SAMD3: variants seen among roughly 807,000 people sequenced by gnomAD.
SAMD3 encodes the protein sterile alpha motif domain-containing protein 3.
A neutral mutation model predicts 58.5 loss-of-function variants in SAMD3; 63 were observed. The ratio of observed to expected loss-of-function variants is 1.08; its 90% CI spans 0.88 to 1.33. The LOEUF (loss-of-function observed/expected upper bound fraction) is 1.33. Ranked by LOEUF, SAMD3 falls within the 40% of genes most tolerant of loss-of-function variation. The pLI is 0.00. For missense variants in SAMD3, 604 were observed against 608.4 expected (o/e 0.99, Z 0.08); for synonymous variants, 220 against 210.3 (o/e 1.05, Z -0.40).
At chr6:130,308,441 T>C (rs991656813) in intron 2 of SAMD3, among the ~76,000 whole-genome samples, 1 of 150,042 alleles carries the variant, frequency 6.7e-6, no homozygotes, top group Non-Finnish European at 1.5e-5. Context: ...TTCTATTCTT[T>C]TGTGTGTGTG....
At chr6:130,263,005 A>C (rs1441210985) in intron 2 of SAMD3, among the ~76,000 whole-genome samples, 1 of 152,210 alleles carries the variant, frequency 6.6e-6, no homozygotes, top group African/African-American at 2.4e-5. Context: ...CCTTATAGTC[A>C]AATATTAAAA....
intron 8 of SAMD3, among the ~76,000 whole-genome samples, chr6:130,157,172 G>A (rs557301818): frequency 2.6e-5 from 4 of 151,462 alleles, no homozygotes; most frequent in East Asian, 1.9e-4. Context: ...ATGTGTAAAC[G>A]TCATATACTG....
chr6:130,162,940 T>C (rs148233073), intron 8 of SAMD3, among the ~76,000 whole-genome samples: 2 of 152,304 alleles, frequency 1.3e-5, no homozygotes, highest in East Asian at 1.9e-4. Flanking sequence ...AATTTAATTG[T>C]CATTTTTATT....
intron 5 of SAMD3, among the ~76,000 whole-genome samples, chr6:130,198,007 C>G (rs1449467778): frequency 6.6e-6 from 1 of 152,118 alleles, no homozygotes; most frequent in African/African-American, 2.4e-5. Flanking sequence ...GGCTCAAAAG[C>G]TCCCCCACTG....
At chr6:130,191,966 T>C (rs1243768503) in intron 5 of SAMD3, among the ~76,000 whole-genome samples, 1 of 152,216 alleles carries the variant, frequency 6.6e-6, no homozygotes, top group Non-Finnish European at 1.5e-5. Context: ...GCTTACTTTG[T>C]TGCCCTCAGT....
At chr6:130,309,375 A>AT (rs1212736262) in intron 2 of SAMD3, among the ~76,000 whole-genome samples, 23 of 152,248 alleles carry the variant, frequency 1.5e-4, no homozygotes, top group African/African-American at 4.3e-4. Context: ...CCCACTTCAC[A>AT]GGGCTTTTGT....
intron 8 of SAMD3, among the ~76,000 whole-genome samples, chr6:130,171,243 A>G (rs1791220717): frequency 6.6e-6 from 1 of 152,156 alleles, no homozygotes; most frequent in African/African-American, 2.4e-5. Flanking sequence ...GATTATGTTT[A>G]TTGATTTGCT....
At chr6:130,271,711 G>A (rs1035596307) in intron 2 of SAMD3, among the ~76,000 whole-genome samples, 2 of 152,074 alleles carry the variant, frequency 1.3e-5, no homozygotes, top group Admixed American at 6.6e-5. Flanking sequence ...AAGACATATC[G>A]AGACTGGGTA....
chr6:130,208,629 G>T (rs556438424), intron 5 of SAMD3, among the ~76,000 whole-genome samples: 2 of 152,294 alleles, frequency 1.3e-5, no homozygotes, highest in African/African-American at 4.8e-5. Flanking sequence ...AATGCCTGAT[G>T]ATCTGTCACT....
At chr6:130,260,144 T>A (rs1014058289) in intron 2 of SAMD3, among the ~76,000 whole-genome samples, 2 of 152,140 alleles carry the variant, frequency 1.3e-5, no homozygotes, top group African/African-American at 4.8e-5. Flanking sequence ...AGACAGACCC[T>A]CTCATATTGT....
At chr6:130,194,822 C>T (rs1049260908) in intron 5 of SAMD3, among the ~76,000 whole-genome samples, 5 of 152,236 alleles carry the variant, frequency 3.3e-5, no homozygotes. Flanking sequence ...AAGACTGACA[C>T]TGCCTGATCA....
intron 2 of SAMD3, 96 bp downstream of exon 2, chr6:130,216,475 T>C (rs1796009830): frequency 6.6e-6 from 1 of 152,224 alleles, no homozygotes; most frequent in South Asian, 2.1e-4. Flanking sequence ...AAGTTTTAAA[T>C]GGAACTATTG....
chr6:130,157,526 C>A (rs1319184146), intron 8 of SAMD3, among the ~76,000 whole-genome samples: 1 of 152,108 alleles, frequency 6.6e-6, no homozygotes, highest in Non-Finnish European at 1.5e-5. Context: ...ACAGGTCTTG[C>A]CATGTTGCCC....
rs1562478028 is a variant in SAMD3 at position 130,244,750 on chromosome 6, AAAAT to A, written c.-187-21941_-187-21938del. The stretch of plus-strand genomic sequence containing the variant: ...ACGAGCCTGTCTCAAAAAAAAAATA[AAAAT>A]AAAAATAAAAATAAAAATAAAAATA... On this transcript the variant is annotated intron_variant, in intron 2 of 13. Coordinates refer to the SAMD3 transcript ENST00000368134. 1.0e-3 allele frequency among the ~76,000 whole-genome samples: 151 copies of A among 145,394 alleles called. 1 individual carries two copies. Among genetic ancestry groups the A allele is most frequent in the African/African-American group, 4.0e-3 (146 of 36,582 alleles).
At chr6:130,273,158 C>T (rs1487474652) in intron 2 of SAMD3, among the ~76,000 whole-genome samples, 3 of 151,184 alleles carry the variant, frequency 2.0e-5, no homozygotes, top group African/African-American at 7.3e-5. Context: ...CTTTTTAGTT[C>T]CCTTAATATT....
intron 2 of SAMD3, among the ~76,000 whole-genome samples, chr6:130,293,276 A>C (rs1448489059): frequency 4.6e-5 from 7 of 152,154 alleles, no homozygotes; most frequent in Admixed American, 3.9e-4. Context: ...ACAGTGTCTT[A>C]CACCTGTCCA....
intron 1 of SAMD3, among the ~76,000 whole-genome samples, chr6:130,360,297 C>T (rs140567289): frequency 5.3e-5 from 8 of 152,252 alleles, no homozygotes; most frequent in Admixed American, 3.9e-4. Flanking sequence ...GTGAAAGTAT[C>T]GGGGAACCTG....
chr6:130,155,635 T>C (rs1789707566), intron 8 of SAMD3, among the ~76,000 whole-genome samples: 1 of 152,146 alleles, frequency 6.6e-6, no homozygotes, highest in Non-Finnish European at 1.5e-5. Flanking sequence ...AAAATATCTT[T>C]CTAGAAATAT....
chr6:130,309,456 T>C (rs1365973924), intron 2 of SAMD3, among the ~76,000 whole-genome samples: 5 of 152,204 alleles, frequency 3.3e-5, no homozygotes, highest in Admixed American at 6.5e-5. Flanking sequence ...TTGTAGCTAC[T>C]GTTCTTGAAT....
Sources: allele counts gnomAD v4.1 joint callset (sites outside exome capture counted in the v4.1 genomes callset), GRCh38; gene constraint gnomAD v4.1.1; transcripts MANE v1.5; gene names NCBI Gene and HGNC (gene_info 2026-07-23, HGNC 2026-07-21).